Variants in MAF observed in about 807,000 individuals in gnomAD.
MAF encodes MAF bZIP transcription factor, also known as transcription factor Maf.
Under a neutral mutation model 22.0 loss-of-function variants are expected in MAF, and 10 were observed. The ratio of observed to expected loss-of-function variants is 0.45; its 90% CI spans 0.28 to 0.77. MAF has a LOEUF of 0.77. Ranked by LOEUF, MAF falls within the 30% of genes least tolerant of loss-of-function variation. MAF has a pLI of 0.12. For synonymous variants in MAF, 337 were observed against 255.8 expected (o/e 1.32, Z -3.03); for missense variants, 544 against 548.4 (o/e 0.99, Z 0.08).
At chr16:79,237,833 C>A in the MAF span, among the ~76,000 whole-genome samples, 2 of 152,102 alleles carry the variant, frequency 1.3e-5, no homozygotes, top group African/African-American at 2.4e-5. Flanking sequence ...TTTCTAGACA[C>A]TGACAAATGT....
the MAF span, among the ~76,000 whole-genome samples, chr16:79,228,753 AT>A: frequency 6.6e-6 from 1 of 151,888 alleles, no homozygotes; most frequent in Non-Finnish European, 1.5e-5. Context: ...TTACAAGGTA[AT>A]TTGCTCAGGA....
At chr16:79,391,884 G>GAGGAGGAGA in the MAF span, among the ~76,000 whole-genome samples, 18 of 115,092 alleles carry the variant, frequency 1.6e-4, no homozygotes, top group Admixed American at 6.0e-4. Context: ...GGAGGAGGAG[G>GAGGAGGAGA]AGGAGGAGGA....
chr16:79,566,352 G>C, the MAF span, among the ~76,000 whole-genome samples: 3 of 152,198 alleles, frequency 2.0e-5, no homozygotes, highest in Non-Finnish European at 4.4e-5. Flanking sequence ...GGAATGGTCG[G>C]AGGGGCCTGG....
At chr16:79,481,377 TACC>T in the MAF span, among the ~76,000 whole-genome samples, 6 of 152,098 alleles carry the variant, frequency 3.9e-5, no homozygotes, top group African/African-American at 1.4e-4. Flanking sequence ...AGAACATTTT[TACC>T]ACCACAACTG....
chr16:79,508,667 A>G, the MAF span, among the ~76,000 whole-genome samples: 1 of 152,214 alleles, frequency 6.6e-6, no homozygotes, highest in Non-Finnish European at 1.5e-5. Flanking sequence ...AAAGTAAATT[A>G]CATATAGCAC....
the MAF span, among the ~76,000 whole-genome samples, chr16:79,335,471 C>T: frequency 6.6e-6 from 1 of 152,080 alleles, no homozygotes; most frequent in South Asian, 2.1e-4. Flanking sequence ...TTCAGAAAGA[C>T]CAGGGGGGAC....
chr16:79,465,285 G>C, the MAF span, among the ~76,000 whole-genome samples: 2 of 152,172 alleles, frequency 1.3e-5, no homozygotes, highest in Non-Finnish European at 2.9e-5. Flanking sequence ...ACTGATGGCA[G>C]AGTAGGTCTT....
the MAF span, among the ~76,000 whole-genome samples, chr16:79,256,256 G>C: frequency 6.6e-6 from 1 of 151,826 alleles, no homozygotes; most frequent in African/African-American, 2.4e-5. Context: ...CCAGAGTGCT[G>C]GGATTACAGG....
chr16:79,362,981 C>T, the MAF span, among the ~76,000 whole-genome samples: 1 of 152,124 alleles, frequency 6.6e-6, no homozygotes, highest in African/African-American at 2.4e-5. Context: ...TCCTGTTAGC[C>T]TTGCATAAGG....
the MAF span, chr16:79,212,158 C>G: frequency 5.0e-5 from 74 of 1,494,296 alleles, no homozygotes; most frequent in East Asian, 1.8e-3. Flanking sequence ...CATCCAGCTA[C>G]CACCACGGCC....
the MAF span, among the ~76,000 whole-genome samples, chr16:79,418,476 C>A: frequency 6.6e-6 from 1 of 151,976 alleles, no homozygotes; most frequent in Non-Finnish European, 1.5e-5. Context: ...CTAATTAGTG[C>A]GCTGGGAGTT....
chr16:79,548,512 A>G, the MAF span, among the ~76,000 whole-genome samples: 2 of 152,264 alleles, frequency 1.3e-5, no homozygotes, highest in South Asian at 2.1e-4. Context: ...AAGATACACT[A>G]TGAAACAATT....
chr16:79,454,697 T>A, the MAF span, among the ~76,000 whole-genome samples: 1 of 152,182 alleles, frequency 6.6e-6, no homozygotes, highest in African/African-American at 2.4e-5. Context: ...TGCCTCTCCG[T>A]AAGCTGATCC....
At chr16:79,596,789 A>C in intron 1 of MAF, 1 of 1,047,752 alleles carries the variant, frequency 9.5e-7, no homozygotes, top group Non-Finnish European at 1.2e-6. Context: ...TCTGCACCAC[A>C]ATACAACTGT....
At chr16:79,221,382 T>G in the MAF span, among the ~76,000 whole-genome samples, 1 of 152,142 alleles carries the variant, frequency 6.6e-6, no homozygotes. Flanking sequence ...TCCAGAACCT[T>G]CCAGAAGCCT....
At chr16:79,385,792 T>C in the MAF span, among the ~76,000 whole-genome samples, 1 of 152,164 alleles carries the variant, frequency 6.6e-6, no homozygotes, top group East Asian at 1.9e-4. Flanking sequence ...TCCCAGCTAC[T>C]AGAGAGGCTG....
the MAF span, among the ~76,000 whole-genome samples, chr16:79,477,572 A>G: frequency 2.0e-5 from 3 of 152,140 alleles, no homozygotes; most frequent in Non-Finnish European, 2.9e-5. Flanking sequence ...TGCCTTATGA[A>G]CACTTAGAGC....
chr16:79,313,756 G>A, the MAF span, among the ~76,000 whole-genome samples: 2 of 152,086 alleles, frequency 1.3e-5, no homozygotes, highest in African/African-American at 2.4e-5. Flanking sequence ...CTCTCAATGG[G>A]GAAGAAATCC....
chr16:79,253,107 C>T, the MAF span, among the ~76,000 whole-genome samples: 1 of 152,198 alleles, frequency 6.6e-6, no homozygotes, highest in African/African-American at 2.4e-5. Context: ...ACCCGGTCCT[C>T]CTGGAAACCA....
Sources: gnomAD v4.1 joint callset for allele counts (sites outside exome capture counted in the v4.1 genomes callset) on GRCh38, gnomAD v4.1.1 for gene constraint, MANE v1.5 for transcripts, NCBI Gene and HGNC (gene_info 2026-07-23, HGNC 2026-07-21) for gene names.